Variants in DPP10 observed in about 807,000 individuals in gnomAD.
DPP10 encodes the protein dipeptidyl peptidase like 10.
DPP10 carries 33 observed loss-of-function variants against 120.9 expected under a neutral mutation model. The ratio of observed to expected loss-of-function variants is 0.27; its 90% CI spans 0.21 to 0.37. DPP10 has a LOEUF of 0.37. DPP10 is among the 10% of genes least tolerant of loss of function. The probability of loss-of-function intolerance (pLI) is 1.00; values close to 1 mark genes in which losing one functional copy is unlikely to be tolerated. For missense variants in DPP10, 816 were observed against 942.8 expected (o/e 0.87, Z 1.76); for synonymous variants, 337 against 326.1 (o/e 1.03, Z -0.36).
intron 1 of DPP10, among the ~76,000 whole-genome samples, chr2:114,877,312 T>A (rs1180526780): frequency 6.6e-6 from 1 of 152,022 alleles, no homozygotes; most frequent in African/African-American, 2.4e-5. Context: ...ATATTATTAT[T>A]TTCATAGTAA....
intron 5 of DPP10, among the ~76,000 whole-genome samples, chr2:115,644,310 C>T (rs905450993): frequency 3.3e-5 from 5 of 152,222 alleles, no homozygotes; most frequent in African/African-American, 1.2e-4. Context: ...TATCCCTCCC[C>T]CCTCCGCCCA....
chr2:114,897,055 T>C (rs1693071749), intron 1 of DPP10, among the ~76,000 whole-genome samples: 1 of 152,210 alleles, frequency 6.6e-6, no homozygotes, highest in Admixed American at 6.5e-5. Flanking sequence ...TTTGCATATA[T>C]TGAACCAGCC....
In DPP10 at chr2:114,930,681, AT is replaced by A. The variant is rs150243678; in HGVS notation, c.61-378555del. Among the ~76,000 whole-genome samples the A allele has an allele frequency of 1.3e-3, 204 of 152,244 alleles. 3 individuals carry two copies. The East Asian group carries it at 0.037, about 28-fold the overall frequency. On this transcript the variant is annotated intron_variant, in intron 1 of 25. Transcript: ENST00000410059. ...CTGGGTAATAAATTTTTTAAAGTTT[AT>A]TTAGCTTATAGTTTTGTAGGCTGTA... is the stretch of plus-strand genomic sequence containing the variant.
At chr2:115,748,482 A>G (rs553866038) in intron 10 of DPP10, among the ~76,000 whole-genome samples, 1 of 152,230 alleles carries the variant, frequency 6.6e-6, no homozygotes, top group East Asian at 1.9e-4. Context: ...TTATGTCTAT[A>G]TAAGGAGGAA....
At chr2:115,335,338 AT>A (rs995741655) in intron 2 of DPP10, among the ~76,000 whole-genome samples, 15 of 151,954 alleles carry the variant, frequency 9.9e-5, no homozygotes, top group African/African-American at 3.1e-4. Context: ...ATTTAAATTT[AT>A]TTTTTTAATG....
chr2:114,955,756 G>A (rs1698153746), intron 1 of DPP10, among the ~76,000 whole-genome samples: 1 of 152,158 alleles, frequency 6.6e-6, no homozygotes, highest in Non-Finnish European at 1.5e-5. Flanking sequence ...ATGATCAAGT[G>A]AGATTTATGC....
At chr2:115,218,386 C>CCT (rs1187092731) in intron 1 of DPP10, among the ~76,000 whole-genome samples, 1 of 152,046 alleles carries the variant, frequency 6.6e-6, no homozygotes, top group African/African-American at 2.4e-5. Context: ...TCTGCCGGAT[C>CCT]CTTATATTTT....
chr2:115,130,501 T>TCCATCC (rs2050293271), intron 1 of DPP10, among the ~76,000 whole-genome samples: 1 of 144,858 alleles, frequency 6.9e-6, no homozygotes, highest in Non-Finnish European at 1.5e-5. Flanking sequence ...TCCATCCATC[T>TCCATCC]ATCCATCCAT....
chr2:114,927,181 G>A (rs1239215214), intron 1 of DPP10, among the ~76,000 whole-genome samples: 1 of 152,060 alleles, frequency 6.6e-6, no homozygotes, highest in Non-Finnish European at 1.5e-5. Flanking sequence ...AGCATTCCAG[G>A]CTAATATGGG....
At chr2:114,632,692 T>C (rs1695023583) in intron 1 of DPP10, among the ~76,000 whole-genome samples, 1 of 151,948 alleles carries the variant, frequency 6.6e-6, no homozygotes, top group Non-Finnish European at 1.5e-5. Context: ...TTTTGTATTT[T>C]TAGTAGAGAC....
intron 3 of DPP10, among the ~76,000 whole-genome samples, chr2:115,434,792 A>G (rs2071333889): frequency 6.6e-6 from 1 of 151,648 alleles, no homozygotes; most frequent in Non-Finnish European, 1.5e-5. Context: ...TTCTGTCCGC[A>G]TTTTTGTAAC....
At chr2:114,977,812 C>T (rs935589068) in intron 1 of DPP10, among the ~76,000 whole-genome samples, 1 of 151,028 alleles carries the variant, frequency 6.6e-6, no homozygotes, top group Non-Finnish European at 1.5e-5. Flanking sequence ...CTTCTTTCCT[C>T]GATACTGTTG....
At chr2:114,770,661 G>A (rs762176373) in intron 1 of DPP10, among the ~76,000 whole-genome samples, 1 of 152,146 alleles carries the variant, frequency 6.6e-6, no homozygotes, top group Non-Finnish European at 1.5e-5. Flanking sequence ...TGGGGTGGAG[G>A]GAGCACATGG....
chr2:115,043,780 C>T lies in DPP10; in HGVS notation c.61-265459C>T, dbSNP rs57624296. Among the ~76,000 whole-genome samples the T allele has an allele frequency of 6.9e-3, 1,053 of 152,248 alleles. 7 individuals carry two copies. The highest frequency in any genetic ancestry group is 0.024 in the African/African-American group (1,010 of 41,550). ...TCATTTGAAACTTTGAGTCTCTGTACACATAATATATCAAAGCTCCTTCTC... is the reference window on the plus strand; with the variant it reads ...TCATTTGAAACTTTGAGTCTCTGTATACATAATATATCAAAGCTCCTTCTC... On this transcript the variant is annotated intron_variant, in intron 1 of 25. Transcript: ENST00000410059.
chr2:115,069,786 CTT>C (rs1273598065), intron 1 of DPP10, among the ~76,000 whole-genome samples: 1 of 144,110 alleles, frequency 6.9e-6, no homozygotes, highest in Admixed American at 7.0e-5. Context: ...TCTTTCCTTT[CTT>C]TTTTTTTTTA....
intron 1 of DPP10, among the ~76,000 whole-genome samples, chr2:114,750,372 C>T (rs920326064): frequency 4.0e-5 from 6 of 151,012 alleles, no homozygotes; most frequent in East Asian, 3.9e-4. Flanking sequence ...CTTGCTGTGT[C>T]GCCCAGGCTG....
chr2:115,401,705 G>A (rs2068085299), intron 3 of DPP10, among the ~76,000 whole-genome samples: 1 of 152,086 alleles, frequency 6.6e-6, no homozygotes, highest in Non-Finnish European at 1.5e-5. Flanking sequence ...ACACATCAAA[G>A]CTAATTTTAA....
intron 5 of DPP10, among the ~76,000 whole-genome samples, chr2:115,668,950 A>G (rs1021416172): frequency 6.6e-6 from 1 of 152,142 alleles, no homozygotes; most frequent in African/African-American, 2.4e-5. Context: ...AAACTTATTT[A>G]ATAATCTGTG....
intron 5 of DPP10, among the ~76,000 whole-genome samples, chr2:115,685,595 A>G (rs1232922355): frequency 2.0e-5 from 3 of 152,068 alleles, no homozygotes; most frequent in Non-Finnish European, 4.4e-5. Context: ...TTCAATAGTC[A>G]TTTATAAACT....
Sources: allele counts gnomAD v4.1 joint callset (sites outside exome capture counted in the v4.1 genomes callset), GRCh38; gene constraint gnomAD v4.1.1; transcripts MANE v1.5; gene names NCBI Gene and HGNC (gene_info 2026-07-23, HGNC 2026-07-21).